DNAH9: variants seen among roughly 807,000 people sequenced by gnomAD.
DNAH9 encodes the protein DNAH9 variant protein.
In DNAH9, 345 loss-of-function variants were observed where a neutral mutation model predicts 471.6. That is an observed-to-expected ratio of 0.73 (90% CI 0.67 to 0.80). DNAH9 has a LOEUF of 0.80. DNAH9 is among the 30% of genes least tolerant of loss of function. The pLI, the probability that DNAH9 is intolerant of heterozygous loss-of-function variation, is 0.00. For missense variants in DNAH9, 5,407 were observed against 5,609.2 expected (o/e 0.96, Z 1.15); for synonymous variants, 2,093 against 2,123.6 (o/e 0.99, Z 0.40).
At chr17:11,750,158 C>T (rs1288458400) in intron 32 of DNAH9, among the ~76,000 whole-genome samples, 1 of 151,938 alleles carries the variant, frequency 6.6e-6, no homozygotes, top group Admixed American at 6.6e-5. Context: ...AGGGGCCAGG[C>T]ACAGTGGCTC....
chr17:11,671,574 A>AG (rs777948179), intron 17 of DNAH9, among the ~76,000 whole-genome samples: 1 of 152,154 alleles, frequency 6.6e-6, no homozygotes, highest in Non-Finnish European at 1.5e-5. Context: ...TGATTAGGGC[A>AG]GGGGGATAAT....
At chr17:11,791,178 TTTC>T (rs1969050349) in intron 41 of DNAH9, among the ~76,000 whole-genome samples, 1 of 152,208 alleles carries the variant, frequency 6.6e-6, no homozygotes, top group Admixed American at 6.5e-5. Context: ...CAAAAATATA[TTTC>T]TTATTTTTAA....
At chr17:11,820,372 T>A (rs1321905898) in intron 45 of DNAH9, among the ~76,000 whole-genome samples, 1 of 152,020 alleles carries the variant, frequency 6.6e-6, no homozygotes, top group Non-Finnish European at 1.5e-5. Context: ...ATTAATACAG[T>A]GTTTTCATTT....
rs528936788 is a variant in DNAH9 at position 11,733,601 on chromosome 17, C to G, written c.5815-5279C>G. Among the ~76,000 whole-genome samples, 595 of 152,248 alleles carry G rather than the reference C, an allele frequency of 3.9e-3. 3 individuals are homozygous for G. The highest frequency in any genetic ancestry group is 0.013 in the African/African-American group (554 of 41,536). On this transcript the variant is annotated intron_variant, in intron 28 of 68. Transcript: ENST00000262442. ...GTGCGGTGGCTCACGCCTGTAATCC[C>G]AGCACTTTGGGAGGCCGAGGTGGGC...
rs568288445 is a variant in DNAH9, at chr17:11,843,881, A to G, written c.9507+8983A>G. Among the ~76,000 whole-genome samples the G allele has an allele frequency of 4.6e-3, 622 of 134,242 alleles. 19 individuals are homozygous for G. Among genetic ancestry groups the G allele is most frequent in the African/African-American group, 0.016 (576 of 36,436 alleles). 88.1% of individuals were successfully genotyped at this position (134,242 alleles called of 152,430 possible). A position where few individuals can be genotyped will look rare whatever the true frequency, so the allele number is the denominator to read the frequency against. ...TGTGTGTGTATATATATATATATAT[A>G]TATATATATACACATAGAGAGAGAG... On this transcript the variant is annotated intron_variant, in intron 49 of 68. Transcript: ENST00000262442.
intron 50 of DNAH9, 83 bp from the exon 51 acceptor site, chr17:11,869,051 C>T: frequency 1.3e-6 from 2 of 1,527,122 alleles, no homozygotes; most frequent in Non-Finnish European, 1.8e-6. Context: ...TCAGAACCAC[C>T]TCCATGTGAA....
intron 57 of DNAH9, among the ~76,000 whole-genome samples, chr17:11,888,193 C>T (rs1249790259): frequency 2.6e-5 from 4 of 151,834 alleles, no homozygotes; most frequent in South Asian, 4.2e-4. Context: ...ACTGTGTTAG[C>T]CAGGATGGTC....
chr17:11,800,199 A>G (rs570333354), intron 43 of DNAH9, among the ~76,000 whole-genome samples: 1 of 152,180 alleles, frequency 6.6e-6, no homozygotes, highest in Admixed American at 6.5e-5. Context: ...CATCAAATCT[A>G]ACAGCCTATG....
chr17:11,610,622 T>C, intron 3 of DNAH9, 68 bp downstream of exon 3: 1 of 1,508,710 alleles, frequency 6.6e-7, no homozygotes, highest in Non-Finnish European at 9.1e-7. Context: ...GCTAGAGCTT[T>C]CCTGGGTTAA....
At chr17:11,696,698 G>A (rs945318860) in intron 22 of DNAH9, among the ~76,000 whole-genome samples, 1 of 152,176 alleles carries the variant, frequency 6.6e-6, no homozygotes, top group Admixed American at 6.5e-5. Flanking sequence ...ATCCCTGATA[G>A]TTATAGCAGT....
chr17:11,861,632 G>A (rs1411125865), intron 50 of DNAH9, among the ~76,000 whole-genome samples: 1 of 150,460 alleles, frequency 6.6e-6, no homozygotes, highest in Non-Finnish European at 1.5e-5. Flanking sequence ...CTAGTTTACA[G>A]TCCCACCAAC....
intron 50 of DNAH9, among the ~76,000 whole-genome samples, chr17:11,859,124 C>T (rs556946166): frequency 6.8e-6 from 1 of 146,802 alleles, no homozygotes; most frequent in East Asian, 2.0e-4. Context: ...ACACAAACTG[C>T]AGTTACAGCC....
intron 56 of DNAH9, among the ~76,000 whole-genome samples, chr17:11,885,634 A>C (rs548556257): frequency 4.6e-5 from 7 of 152,282 alleles, no homozygotes; most frequent in African/African-American, 1.7e-4. Context: ...TTTTCCAGAT[A>C]TGCCTGTTCT....
At chr17:11,902,405 A>G (rs1489082604) in intron 59 of DNAH9, among the ~76,000 whole-genome samples, 1 of 152,230 alleles carries the variant, frequency 6.6e-6, no homozygotes, top group Non-Finnish European at 1.5e-5. Flanking sequence ...CAAGACCAGA[A>G]TAACCATAAT....
intron 4 of DNAH9, chr17:11,612,053 C>T (rs1387735752): frequency 1.7e-6 from 1 of 593,616 alleles, no homozygotes; most frequent in African/African-American, 1.9e-5. Flanking sequence ...GCATACACTT[C>T]TGCCTACTTT....
chr17:11,607,281 A>T (rs2072528213), intron 1 of DNAH9, among the ~76,000 whole-genome samples: 1 of 152,220 alleles, frequency 6.6e-6, no homozygotes, highest in Non-Finnish European at 1.5e-5. Context: ...CATAGGACAG[A>T]CACCATTGAC....
intron 59 of DNAH9, among the ~76,000 whole-genome samples, chr17:11,900,971 T>C (rs1973391538): frequency 6.6e-6 from 1 of 152,180 alleles, no homozygotes; most frequent in South Asian, 2.1e-4. Context: ...AGTTCCAACA[T>C]CAAGACTGAT....
rs149029050 is a variant in DNAH9 at position 11,883,691 on chromosome 17, A to C, written c.10912A>C (p.Thr3638Pro). ...SSASGNFLGE[T>P]VLVENLEITK... Reference sequence around the variant, plus strand: ...CGCCTCTGGGAACTTCCTGGGAGAAACAGTGCTGGTGGAAAACCTAGAGAT... The same window carrying C: ...CGCCTCTGGGAACTTCCTGGGAGAACCAGTGCTGGTGGAAAACCTAGAGAT... Residue 3638 changes from threonine (T) to proline (P), a missense_variant, in exon 56 of 69, where the codon ACA becomes CCA. Physicochemically the swap from Thr to Pro is conservative, Grantham distance 38. Coordinates refer to ENST00000262442, the MANE Select transcript of DNAH9 (RefSeq NM_001372.4). The C allele has an allele frequency of 8.7e-6, 14 of 1,614,054 alleles. No homozygotes were observed. Among genetic ancestry groups the C allele is most frequent in the African/African-American group, 1.3e-5 (1 of 74,930 alleles).
chr17:11,749,419 C>G (rs1375421644), intron 32 of DNAH9, among the ~76,000 whole-genome samples: 1 of 151,958 alleles, frequency 6.6e-6, no homozygotes, highest in Non-Finnish European at 1.5e-5. Flanking sequence ...GATATTAACC[C>G]CTTATCTGTC....
Sources: allele counts gnomAD v4.1 joint callset (sites outside exome capture counted in the v4.1 genomes callset), GRCh38; gene constraint gnomAD v4.1.1; transcripts MANE v1.5; gene names NCBI Gene and HGNC (gene_info 2026-07-23, HGNC 2026-07-21).